The following PCDHA12 variants were observed in gnomAD, a reference collection of about 807,000 sequenced individuals.
The protein encoded by PCDHA12 is protocadherin alpha 12.
A neutral mutation model predicts 60.0 loss-of-function variants in PCDHA12; 44 were observed. The ratio of observed to expected loss-of-function variants is 0.73; its 90% CI spans 0.58 to 0.94. The LOEUF (loss-of-function observed/expected upper bound fraction) is 0.94. PCDHA12 is among the 40% of genes least tolerant of loss of function. The pLI, the probability that PCDHA12 is intolerant of heterozygous loss-of-function variation, is 0.00. For synonymous variants in PCDHA12, 569 were observed against 553.0 expected (o/e 1.03, Z -0.40); for missense variants, 1,276 against 1,239.7 (o/e 1.03, Z -0.44).
chr5:140,889,978 A>C (rs1326390288), intron 1 of PCDHA12, among the ~76,000 whole-genome samples: 1 of 152,202 alleles, frequency 6.6e-6, no homozygotes, highest in Non-Finnish European at 1.5e-5. Flanking sequence ...TCCAGTCTCC[A>C]GTTGTCTTAG....
intron 1 of PCDHA12, among the ~76,000 whole-genome samples, chr5:140,947,528 T>C (rs1175792550): frequency 6.6e-6 from 1 of 151,692 alleles, no homozygotes; most frequent in African/African-American, 2.4e-5. Context: ...GAATCAACTT[T>C]TCAATTTCTA....
chr5:140,916,060 C>G (rs1554197265), intron 1 of PCDHA12, among the ~76,000 whole-genome samples: 1 of 152,174 alleles, frequency 6.6e-6, no homozygotes, highest in Non-Finnish European at 1.5e-5. Flanking sequence ...GGTGCCTCTC[C>G]CTGTGGCCAG....
At chr5:140,886,368 C>T (rs1174734883) in intron 1 of PCDHA12, among the ~76,000 whole-genome samples, 2 of 152,040 alleles carry the variant, frequency 1.3e-5, no homozygotes, top group South Asian at 4.1e-4. Context: ...GGTGTACATG[C>T]CATGGTGTGC....
intron 1 of PCDHA12, chr5:140,929,314 G>A: frequency 6.4e-7 from 1 of 1,560,184 alleles, no homozygotes; most frequent in Non-Finnish European, 8.7e-7. Flanking sequence ...TCACGCTAAT[G>A]TCAATGCCAT....
At chr5:140,927,964 G>A in intron 1 of PCDHA12, 1 of 1,614,230 alleles carries the variant, frequency 6.2e-7, no homozygotes, top group South Asian at 1.1e-5. Context: ...CCCTGGCACA[G>A]TGATTGCTCT....
At chr5:140,945,762 G>A (rs570176768) in intron 1 of PCDHA12, among the ~76,000 whole-genome samples, 122 of 152,196 alleles carry the variant, frequency 8.0e-4, no homozygotes, top group South Asian at 2.3e-3. Context: ...ATGGTGGTGG[G>A]ACAATTTGAT....
At position 140,944,693 on chromosome 5, in the gene PCDHA12, G is replaced by A. The variant is rs191002677; in HGVS notation, c.2368-34256G>A. 1.7e-3 allele frequency among the ~76,000 whole-genome samples: 252 copies of A among 152,248 alleles called. No homozygotes were observed. In the Middle Eastern group the frequency reaches 0.017, roughly 10 times the overall value. On this transcript the variant is annotated intron_variant, in intron 1 of 3. Coordinates refer to ENST00000398631, the MANE Select transcript of PCDHA12 (RefSeq NM_018903.4). ...TATTCTGTGTATCCTATTAATAACA[G>A]TAATTATCAGGTTATTTTGCCTTTG...
intron 1 of PCDHA12, chr5:140,884,831 ATCCT>A: frequency 1.1e-6 from 1 of 939,722 alleles, no homozygotes; most frequent in Non-Finnish European, 1.5e-6. Flanking sequence ...GTGTTGGATT[ATCCT>A]TCAGAGTGAA....
In PCDHA12 at chr5:140,877,840, G is replaced by A; in HGVS notation, c.2367+1G>A. On this transcript the variant is annotated splice_donor_variant, in intron 1 of 3. Coordinates refer to ENST00000398631, the MANE Select transcript of PCDHA12 (RefSeq NM_018903.4). LOFTEE classifies it high-confidence loss of function. ...AGATTGTTTAAATCCTCCCAGTGAA[G>A]TAAGTTATTAATATTATTTAGATAT... 1 of 1,580,394 alleles carries A rather than the reference G, an allele frequency of 6.3e-7. No individual in the cohort carries two copies. Among genetic ancestry groups the A allele is most frequent in the South Asian group, 1.2e-5 (1 of 85,752 alleles).
Position 141,012,278 on chromosome 5 carries a change from G to T in PCDHA12, c.*2341G>T, listed in dbSNP as rs545417237. ...CTGTAAGGATAAAACACGTCATGTG[G>T]ATTCATTTTGAATTGGTGCTATTGG... On this transcript the variant is annotated 3_prime_UTR_variant, in exon 4 of 4. Coordinates refer to ENST00000398631, the MANE Select transcript of PCDHA12 (RefSeq NM_018903.4). The T allele has an allele frequency of 6.5e-6, 1 of 153,848 alleles. No individual in the cohort carries two copies. The highest frequency in any genetic ancestry group is 2.1e-4 in the South Asian group (1 of 4,826). The allele number at this position is 153,848 out of a possible 1,614,324, so 9.5% of individuals were successfully genotyped here.
At chr5:140,887,438 A>T (rs540823028) in intron 1 of PCDHA12, among the ~76,000 whole-genome samples, 3 of 152,268 alleles carry the variant, frequency 2.0e-5, no homozygotes, top group Admixed American at 6.5e-5. Flanking sequence ...TTCACTGGGC[A>T]TAGTTGACAG....
chr5:140,888,487 ACT>A (rs1486157760), intron 1 of PCDHA12, among the ~76,000 whole-genome samples: 1 of 152,162 alleles, frequency 6.6e-6, no homozygotes, highest in Non-Finnish European at 1.5e-5. Flanking sequence ...CTGTTGAGAA[ACT>A]CTGCTTTAAA....
At chr5:140,909,269 A>G (rs1554193726) in intron 1 of PCDHA12, among the ~76,000 whole-genome samples, 1 of 152,240 alleles carries the variant, frequency 6.6e-6, no homozygotes, top group Admixed American at 6.5e-5. Context: ...CTGAAGGCAA[A>G]TTGCTTCTGG....
intron 1 of PCDHA12, among the ~76,000 whole-genome samples, chr5:140,953,480 T>C (rs782804804): frequency 2.6e-5 from 4 of 152,194 alleles, no homozygotes; most frequent in Non-Finnish European, 5.9e-5. Flanking sequence ...CCTCATGCTG[T>C]GTCACAACCT....
intron 1 of PCDHA12, among the ~76,000 whole-genome samples, chr5:140,954,068 G>A (rs1404063517): frequency 6.6e-6 from 1 of 152,174 alleles, no homozygotes; most frequent in South Asian, 2.1e-4. Context: ...TTATGCTGAG[G>A]ATAATGGCTT....
chr5:140,967,665 C>T (rs782126222), intron 1 of PCDHA12: 23 of 1,614,036 alleles, frequency 1.4e-5, no homozygotes, highest in East Asian at 2.2e-5. Context: ...AGCAGCTACA[C>T]GTCGGACCGG....
chr5:140,945,539 A>G (rs1233256432), intron 1 of PCDHA12, among the ~76,000 whole-genome samples: 1 of 152,052 alleles, frequency 6.6e-6, no homozygotes, highest in Non-Finnish European at 1.5e-5. Flanking sequence ...AAACATACAA[A>G]CAAAAAAATG....
chr5:140,883,722 A>G (rs1249317360), intron 1 of PCDHA12: 1 of 1,613,546 alleles, frequency 6.2e-7, no homozygotes, highest in Non-Finnish European at 8.5e-7. Context: ...GCGGACGCAC[A>G]GGAGAACGCG....
intron 1 of PCDHA12, chr5:140,927,089 T>G: frequency 6.2e-7 from 1 of 1,612,460 alleles, no homozygotes; most frequent in Non-Finnish European, 8.5e-7. Flanking sequence ...GAGCTCTACT[T>G]CGGGGTGGAT....
Sources: gnomAD v4.1 joint callset for allele counts (sites outside exome capture counted in the v4.1 genomes callset) on GRCh38, gnomAD v4.1.1 for gene constraint, MANE v1.5 for transcripts, NCBI Gene and HGNC (gene_info 2026-07-23, HGNC 2026-07-21) for gene names.